The following PRKAG2 variants were observed in gnomAD, a reference collection of about 807,000 sequenced individuals.
The protein encoded by PRKAG2 is protein kinase AMP-activated non-catalytic subunit gamma 2.
In PRKAG2, 26 loss-of-function variants were observed where a neutral mutation model predicts 69.6. The ratio of observed to expected loss-of-function variants is 0.37; its 90% CI spans 0.27 to 0.52. The LOEUF (loss-of-function observed/expected upper bound fraction) is 0.52, where lower values mean the gene tolerates loss of function less well. Ranked by LOEUF, PRKAG2 falls within the 20% of genes least tolerant of loss-of-function variation. The probability of loss-of-function intolerance (pLI) is 0.90; values close to 1 mark genes in which losing one functional copy is unlikely to be tolerated. For synonymous variants in PRKAG2, 293 were observed against 285.0 expected (o/e 1.03, Z -0.28); for missense variants, 557 against 740.0 (o/e 0.75, Z 2.87).
At chr7:151,747,430 G>A (rs977303916) in intron 3 of PRKAG2, among the ~76,000 whole-genome samples, 27 of 152,174 alleles carry the variant, frequency 1.8e-4, no homozygotes, top group African/African-American at 5.8e-4. Context: ...GGTGGCGGGC[G>A]CCTGTAATCC....
intron 1 of PRKAG2, among the ~76,000 whole-genome samples, chr7:151,808,559 T>A (rs2078240493): frequency 2.6e-5 from 4 of 151,622 alleles, no homozygotes; most frequent in Non-Finnish European, 5.9e-5. Context: ...CCCAGGAACG[T>A]GTACTGTAAC....
intron 4 of PRKAG2, chr7:151,633,304 C>T (rs6964957): frequency 0.43 from 65,354 of 151,998 alleles, 15,828 homozygotes; most frequent in African/African-American, 0.64. Context: ...ACAGCAGATA[C>T]CATACTTCAT....
chr7:151,636,367 G>A (rs973890517), intron 4 of PRKAG2, among the ~76,000 whole-genome samples: 1 of 152,102 alleles, frequency 6.6e-6, no homozygotes, highest in African/African-American at 2.4e-5. Flanking sequence ...CTGTCTCTAT[G>A]GATTTGCCGA....
At chr7:151,601,248 AG>A (rs1585148336) in intron 5 of PRKAG2, among the ~76,000 whole-genome samples, 1 of 152,326 alleles carries the variant, frequency 6.6e-6, no homozygotes, top group East Asian at 1.9e-4. Context: ...GGAAAGGGTA[AG>A]GAAATCTAAA....
At chr7:151,687,958 G>A (rs1455299673) in intron 3 of PRKAG2, among the ~76,000 whole-genome samples, 2 of 151,870 alleles carry the variant, frequency 1.3e-5, no homozygotes, top group Non-Finnish European at 2.9e-5. Flanking sequence ...GGGTGTATAG[G>A]GTGGAGCGGG....
At chr7:151,617,514 T>G (rs1820467346) in intron 5 of PRKAG2, among the ~76,000 whole-genome samples, 2 of 152,196 alleles carry the variant, frequency 1.3e-5, no homozygotes, top group Admixed American at 1.3e-4. Context: ...GAAATTTTCA[T>G]AATACAATTT....
chr7:151,681,367 T>A (rs2151494662), intron 3 of PRKAG2, among the ~76,000 whole-genome samples: 1 of 152,144 alleles, frequency 6.6e-6, no homozygotes, highest in Middle Eastern at 3.4e-3. Flanking sequence ...GTGACTCCTG[T>A]GGGGAAAACA....
chr7:151,833,276 C>T (rs917723324), intron 1 of PRKAG2, among the ~76,000 whole-genome samples: 5 of 152,104 alleles, frequency 3.3e-5, no homozygotes, highest in Admixed American at 1.3e-4. Flanking sequence ...CAGAGCACCC[C>T]GGGCAGGAGG....
intron 5 of PRKAG2, among the ~76,000 whole-genome samples, chr7:151,620,733 G>A (rs929989980): frequency 5.3e-5 from 8 of 152,094 alleles, no homozygotes; most frequent in Non-Finnish European, 1.0e-4. Flanking sequence ...TTCCACCTTG[G>A]CCTCCCAAAG....
chr7:151,794,577 A>AG, intron 1 of PRKAG2, among the ~76,000 whole-genome samples: 1 of 152,372 alleles, frequency 6.6e-6, no homozygotes. Flanking sequence ...GGAGCAACAA[A>AG]GGCATCATCA....
chr7:151,798,153 G>A (rs980524921), intron 1 of PRKAG2, among the ~76,000 whole-genome samples: 2 of 151,606 alleles, frequency 1.3e-5, no homozygotes, highest in Admixed American at 6.6e-5. Flanking sequence ...ACAGGCGCCC[G>A]CCACCACGCC....
chr7:151,582,151 T>C (rs898277562), intron 6 of PRKAG2, among the ~76,000 whole-genome samples: 1 of 152,134 alleles, frequency 6.6e-6, no homozygotes, highest in African/African-American at 2.4e-5. Context: ...GGGATCGATG[T>C]ATGTATGTAC....
rs929912441 is a variant in PRKAG2 at position 151,807,962 on chromosome 7, A to G, written c.115-21421T>C. Among the ~76,000 whole-genome samples, 1 of 152,194 alleles carries G rather than the reference A, an allele frequency of 6.6e-6. No homozygotes were observed. The highest frequency in any genetic ancestry group is 1.5e-5 in the Non-Finnish European group (1 of 68,036). ...CTGGAGGAAGGAAGAGGCTAAAGGC[A>G]TAGTTTCGTAACCCCTCCCTACAAA... On this transcript the variant is annotated intron_variant, in intron 1 of 15. Transcript: ENST00000287878. This position sits in a 1 kb window ranked among gnomAD's most constrained non-coding sequence, Gnocchi z 4.4.
intron 2 of PRKAG2, among the ~76,000 whole-genome samples, chr7:151,782,297 AAAGGAAGG>A (rs869298573): frequency 0.016 from 643 of 39,466 alleles, 3 homozygotes; most frequent in Middle Eastern, 0.048. Context: ...GAAAGGAAAG[AAAGGAAGG>A]AAGGAAGGAA....
chr7:151,631,812 C>T (rs1400709322), intron 5 of PRKAG2: 1 of 495,286 alleles, frequency 2.0e-6, no homozygotes, highest in Admixed American at 2.3e-5. Flanking sequence ...GGCCGCCCGT[C>T]CGTGTGGATG....
rs56728734 is a variant in PRKAG2 at position 151,649,112 on chromosome 7, A to ATTATTTTATT, written c.685-16984_685-16975dup. Among the ~76,000 whole-genome samples, 513 of 150,796 alleles carry ATTATTTTATT rather than the reference A, an allele frequency of 3.4e-3. 4 individuals carry two copies. Among genetic ancestry groups the ATTATTTTATT allele is most frequent in the African/African-American group, 0.012 (496 of 40,842 alleles). Reference sequence around the variant, plus strand: ...TAAGTTAGACCTGAGGGAAGGAATGATTATTTTATTTTATTTTATTTTATT... The same window carrying ATTATTTTATT: ...TAAGTTAGACCTGAGGGAAGGAATGATTATTTTATTTTATTTTATTTTATTTTATTTTATT... On this transcript the variant is annotated intron_variant, in intron 4 of 15. Transcript: ENST00000287878.
At chr7:151,736,324 A>C in intron 3 of PRKAG2, 2 of 1,129,950 alleles carry the variant, frequency 1.8e-6, no homozygotes, top group South Asian at 2.9e-5. Flanking sequence ...CGCAAACAGA[A>C]CTTCGCAGGG....
intron 4 of PRKAG2, among the ~76,000 whole-genome samples, chr7:151,641,899 G>T (rs1332367199): frequency 6.6e-6 from 1 of 151,812 alleles, no homozygotes; most frequent in Non-Finnish European, 1.5e-5. Flanking sequence ...TCAACACTAT[G>T]AGTATTAATT....
chr7:151,758,049 G>A (rs989235709), intron 3 of PRKAG2, among the ~76,000 whole-genome samples: 1 of 152,216 alleles, frequency 6.6e-6, no homozygotes, highest in Non-Finnish European at 1.5e-5. Context: ...CTTTTGCTTT[G>A]TGCTTGTCCC....
Sources: gnomAD v4.1 joint callset for allele counts (sites outside exome capture counted in the v4.1 genomes callset) on GRCh38, gnomAD v4.1.1 for gene constraint, Gnocchi (gnomAD v3.1) non-coding constraint, MANE v1.5 for transcripts, NCBI Gene and HGNC (gene_info 2026-07-23, HGNC 2026-07-21) for gene names.